Variants in PPM1H observed in about 807,000 individuals in gnomAD.
PPM1H encodes the protein protein phosphatase, Mg2+/Mn2+ dependent 1H.
In PPM1H, 27 loss-of-function variants were observed where a neutral mutation model predicts 54.9. The observed-to-expected ratio is 0.49, with a 90% CI of 0.36 to 0.68. The LOEUF (loss-of-function observed/expected upper bound fraction) is 0.68. PPM1H is among the 30% of genes least tolerant of loss of function. The probability of loss-of-function intolerance (pLI) is 0.00; values close to 1 mark genes in which losing one functional copy is unlikely to be tolerated. For missense variants in PPM1H, 596 were observed against 667.8 expected, an observed-to-expected ratio of 0.89 and a Z score of 1.19; for synonymous variants, 305 against 270.8, an observed-to-expected ratio of 1.13 and a Z score of -1.24.
chr12:62,648,692 G>A (rs1282767055), intron 9 of PPM1H, 56 bp from the exon 10 acceptor site: 35 of 1,565,794 alleles, frequency 2.2e-5, no homozygotes, highest in Non-Finnish European at 3.0e-5. Flanking sequence ...AGAAGCCAGG[G>A]TCAAGTGAGG....
At chr12:62,804,351 C>CAAAAAAAAAAAAAAAAAGAAA (rs371143962) in intron 2 of PPM1H, among the ~76,000 whole-genome samples, 2 of 137,672 alleles carry the variant, frequency 1.5e-5, no homozygotes, top group African/African-American at 5.9e-5. Context: ...GACCCTGTCT[C>CAAAAAAAAAAAAAAAAAGAAA]AAAAAAAAAA....
intron 3 of PPM1H, among the ~76,000 whole-genome samples, chr12:62,800,831 C>T (rs550671692): frequency 7.2e-5 from 11 of 152,242 alleles, no homozygotes; most frequent in East Asian, 1.9e-4. Flanking sequence ...AAAGCAGAGG[C>T]GGCTTCTATG....
intron 5 of PPM1H, among the ~76,000 whole-genome samples, chr12:62,732,387 G>A (rs141019471): frequency 5.9e-5 from 9 of 152,214 alleles, no homozygotes; most frequent in Admixed American, 5.9e-4. Flanking sequence ...TGTCCAGACT[G>A]TGCATACCAA....
chr12:62,681,668 C>T (rs1406829130), intron 8 of PPM1H, among the ~76,000 whole-genome samples: 1 of 152,206 alleles, frequency 6.6e-6, no homozygotes, highest in Non-Finnish European at 1.5e-5. Context: ...ATACTTCTCC[C>T]TCCTATATCC....
Position 62,816,087 on chromosome 12 carries a change from T to A in PPM1H, c.412-13927A>T, listed in dbSNP as rs1170881149. Among the ~76,000 whole-genome samples, 11 of 152,164 alleles carry A rather than the reference T, an allele frequency of 7.2e-5. No homozygotes were observed. The East Asian group carries it at 2.1e-3, about 29-fold the overall frequency. On this transcript the variant is annotated intron_variant, in intron 2 of 9. Coordinates refer to ENST00000228705, the MANE Select transcript of PPM1H (RefSeq NM_020700.2). Reference sequence around the variant, plus strand: ...TTTATTGAAATTATACATGTCAACATTAGGAGTTATTCTTCCTTGATGTCT... The same window carrying A: ...TTTATTGAAATTATACATGTCAACAATAGGAGTTATTCTTCCTTGATGTCT...
chr12:62,865,739 C>G (rs1170593858), intron 1 of PPM1H, among the ~76,000 whole-genome samples: 2 of 152,108 alleles, frequency 1.3e-5, no homozygotes, highest in Non-Finnish European at 2.9e-5. Context: ...TCAAATGATC[C>G]ACCTGCCTTG....
intron 6 of PPM1H, among the ~76,000 whole-genome samples, chr12:62,696,703 A>G (rs2136644364): frequency 6.6e-6 from 1 of 152,364 alleles, no homozygotes; most frequent in South Asian, 2.1e-4. Flanking sequence ...CATGCCAGAC[A>G]CCAGGCTCTG....
At chr12:62,873,275 A>C (rs1183053463) in intron 1 of PPM1H, among the ~76,000 whole-genome samples, 1 of 152,220 alleles carries the variant, frequency 6.6e-6, no homozygotes, top group East Asian at 1.9e-4. Context: ...AGCTCTGTAC[A>C]TCCTCAACTA....
intron 4 of PPM1H, among the ~76,000 whole-genome samples, chr12:62,777,669 C>T (rs74098851): frequency 0.032 from 4,813 of 152,018 alleles, 233 homozygotes; most frequent in African/African-American, 0.11. Context: ...AAAAACATAC[C>T]AAAGAACTGC....
intron 2 of PPM1H, among the ~76,000 whole-genome samples, chr12:62,817,943 C>A (rs2076880716): frequency 1.3e-5 from 2 of 152,170 alleles, no homozygotes; most frequent in Admixed American, 6.5e-5. Context: ...TGTAATTAGA[C>A]ACTGAACTAG....
At chr12:62,857,257 A>C (rs1306151566) in intron 1 of PPM1H, among the ~76,000 whole-genome samples, 1 of 152,034 alleles carries the variant, frequency 6.6e-6, no homozygotes. Context: ...AAGGAAGGAA[A>C]GATTACTACT....
At chr12:62,799,670 T>C (rs1223318426) in intron 3 of PPM1H, among the ~76,000 whole-genome samples, 1 of 152,214 alleles carries the variant, frequency 6.6e-6, no homozygotes, top group Admixed American at 6.5e-5. Flanking sequence ...AGCCTCCTGG[T>C]ATTTTCATTG....
In PPM1H at chr12:62,904,890, AT is replaced by A. The variant is rs540768685; in HGVS notation, c.245+29601del. ...TGCAAACCTATAAGCTTTAAAGGCC[AT>A]TTTTTTTTCAGCTCTGACCTAGATG... On this transcript the variant is annotated intron_variant, in intron 1 of 9. Coordinates refer to ENST00000228705, the MANE Select transcript of PPM1H (RefSeq NM_020700.2). 8.5e-4 allele frequency among the ~76,000 whole-genome samples: 128 copies of A among 151,088 alleles called. 2 individuals are homozygous for A. Among genetic ancestry groups the A allele is most frequent in the African/African-American group, 2.8e-3 (117 of 41,162 alleles).
intron 4 of PPM1H, among the ~76,000 whole-genome samples, chr12:62,767,392 G>C (rs1461618680): frequency 6.6e-6 from 1 of 152,136 alleles, no homozygotes; most frequent in Admixed American, 6.5e-5. Context: ...AAGAGGAGTT[G>C]GTGCGTACTT....
intron 4 of PPM1H, among the ~76,000 whole-genome samples, chr12:62,744,953 T>C (rs145349852): frequency 2.0e-5 from 3 of 152,350 alleles, no homozygotes; most frequent in African/African-American, 7.2e-5. Context: ...CTGCCAGCGC[T>C]GCATGTCATC....
At chr12:62,778,129 TCTTTGGA>T (rs2076621745) in intron 4 of PPM1H, among the ~76,000 whole-genome samples, 1 of 152,186 alleles carries the variant, frequency 6.6e-6, no homozygotes, top group African/African-American at 2.4e-5. Context: ...AGGTAATTGG[TCTTTGGA>T]CTTTAAAAAT....
Position 62,802,000 on chromosome 12 carries a change from C to T in PPM1H, c.572G>A (p.Cys191Tyr), listed in dbSNP as rs2120747645. 6.2e-7 allele frequency: 1 copy of T among 1,613,374 alleles called. No homozygotes were observed. Among genetic ancestry groups the T allele is most frequent in the Non-Finnish European group, 8.5e-7 (1 of 1,179,656 alleles). The change falls in exon 3 of 10, where the codon TGC (cysteine) becomes TAC (tyrosine). Residue 191 changes from cysteine (C) to tyrosine (Y), a missense_variant. By Grantham distance (194) the Cys-to-Tyr change is radical. Around this residue, in one of 3 missense-constraint regions of PPM1H, gnomAD observed 382 missense variants for 387.1 expected, o/e 0.99. Coordinates refer to ENST00000228705, the MANE Select transcript of PPM1H (RefSeq NM_020700.2). ...CGTGTTCTCAGGCTCCTCCCCCAGG[C>T]AGGTAGGGGGCAGGACGGCGGAGTT... is the stretch of plus-strand genomic sequence containing the variant. The part of the protein sequence containing the change: ...LKNSAVLPPT[C>Y]LGEEPENTPA...
chr12:62,686,042 C>G (rs2076049425), intron 8 of PPM1H, among the ~76,000 whole-genome samples: 3 of 152,336 alleles, frequency 2.0e-5, no homozygotes, highest in African/African-American at 7.2e-5. Context: ...TTGACAGTTT[C>G]ATTCTAAATC....
At chr12:62,885,792 A>G (rs975160180) in intron 1 of PPM1H, among the ~76,000 whole-genome samples, 1 of 152,324 alleles carries the variant, frequency 6.6e-6, no homozygotes, top group East Asian at 1.9e-4. Flanking sequence ...TGGAATACTC[A>G]TGTGCTGTGA....
Sources: gnomAD v4.1 joint callset for allele counts (sites outside exome capture counted in the v4.1 genomes callset) on GRCh38, gnomAD v4.1.1 for gene constraint, gnomAD v4.1.1 regional missense constraint, MANE v1.5 for transcripts, NCBI Gene and HGNC (gene_info 2026-07-23, HGNC 2026-07-21) for gene names.